Variants in LRRC4C observed in about 807,000 individuals in gnomAD.
LRRC4C encodes leucine-rich repeat-containing protein 4C.
Under a neutral mutation model 33.6 loss-of-function variants are expected in LRRC4C, and 5 were observed. The ratio of observed to expected loss-of-function variants is 0.15; its 90% CI spans 0.08 to 0.31. The LOEUF (loss-of-function observed/expected upper bound fraction) is 0.31. Ranked by LOEUF, LRRC4C falls within the 10% of genes least tolerant of loss-of-function variation. The pLI, the probability that LRRC4C is intolerant of heterozygous loss-of-function variation, is 1.00. For missense variants in LRRC4C, 560 were observed against 796.7 expected (o/e 0.70, Z 3.58); for synonymous variants, 329 against 302.0 (o/e 1.09, Z -0.93).
intron 1 of LRRC4C, among the ~76,000 whole-genome samples, chr11:41,224,646 C>A (rs978184726): frequency 1.3e-5 from 2 of 152,056 alleles, no homozygotes; most frequent in Non-Finnish European, 2.9e-5. Flanking sequence ...AATTTGTATC[C>A]CAGTTGGTTT....
At chr11:40,789,449 TA>T (rs1295030348) in intron 2 of LRRC4C, among the ~76,000 whole-genome samples, 1 of 152,074 alleles carries the variant, frequency 6.6e-6, no homozygotes, top group African/African-American at 2.4e-5. Context: ...ATAATAAAAT[TA>T]AAAAAATTAT....
chr11:41,296,099 A>G (rs1950133684), intron 1 of LRRC4C, among the ~76,000 whole-genome samples: 1 of 152,098 alleles, frequency 6.6e-6, no homozygotes, highest in Non-Finnish European at 1.5e-5. Flanking sequence ...AGTGTGGATC[A>G]ATATTTCCTA....
intron 3 of LRRC4C, among the ~76,000 whole-genome samples, chr11:40,465,791 A>C (rs1952622875): frequency 6.6e-6 from 1 of 151,988 alleles, no homozygotes; most frequent in Admixed American, 6.6e-5. Context: ...GATGTTGGTG[A>C]GGATGCAAAC....
At chr11:40,136,208 A>G (rs1856959607) in intron 6 of LRRC4C, among the ~76,000 whole-genome samples, 1 of 151,108 alleles carries the variant, frequency 6.6e-6, no homozygotes, top group South Asian at 2.1e-4. Context: ...TAAAATATTT[A>G]CCACCTGGTC....
At chr11:40,443,522 C>A (rs1005867497) in intron 3 of LRRC4C, among the ~76,000 whole-genome samples, 2 of 152,132 alleles carry the variant, frequency 1.3e-5, no homozygotes, top group African/African-American at 2.4e-5. Flanking sequence ...CTCTTTCAGT[C>A]AGATTCCACT....
At chr11:40,828,704 G>A (rs1379409567) in intron 2 of LRRC4C, among the ~76,000 whole-genome samples, 1 of 151,632 alleles carries the variant, frequency 6.6e-6, no homozygotes, top group African/African-American at 2.4e-5. Flanking sequence ...GTCTAGCCTA[G>A]ATCAAGCTGT....
chr11:41,314,385 G>A (rs931551185), intron 1 of LRRC4C, among the ~76,000 whole-genome samples: 7 of 152,128 alleles, frequency 4.6e-5, no homozygotes, highest in Non-Finnish European at 1.0e-4. Flanking sequence ...ACCATTAGTT[G>A]ATATTCACTG....
chr11:40,620,721 A>G (rs1019615154), intron 3 of LRRC4C, among the ~76,000 whole-genome samples: 2 of 151,882 alleles, frequency 1.3e-5, no homozygotes, highest in Non-Finnish European at 2.9e-5. Context: ...GTGTATTTAA[A>G]AGACAATGAT....
chr11:40,493,992 A>ATTCAGATAAGGACACAAGCATCTCT (rs1954295507), intron 3 of LRRC4C, among the ~76,000 whole-genome samples: 1 of 152,162 alleles, frequency 6.6e-6, no homozygotes, highest in Non-Finnish European at 1.5e-5. Context: ...TTTCAGAGGT[A>ATTCAGATAAGGACACAAGCATCTCT]GCAGGAAGAT....
intron 3 of LRRC4C, among the ~76,000 whole-genome samples, chr11:40,323,489 G>GT (rs1489376860): frequency 6.6e-6 from 1 of 152,106 alleles, no homozygotes; most frequent in Non-Finnish European, 1.5e-5. Flanking sequence ...CAGACTTCAT[G>GT]TATTTTCATT....
intron 5 of LRRC4C, among the ~76,000 whole-genome samples, chr11:40,144,388 A>G (rs994469443): frequency 6.6e-6 from 1 of 152,194 alleles, no homozygotes; most frequent in Non-Finnish European, 1.5e-5. Context: ...CAAATGGCTA[A>G]ACAACTCATC....
intron 1 of LRRC4C, among the ~76,000 whole-genome samples, chr11:40,943,881 C>T (rs1226830584): frequency 6.6e-6 from 1 of 152,172 alleles, no homozygotes; most frequent in Non-Finnish European, 1.5e-5. Context: ...ACCCATTTAG[C>T]TCTCCCTCTT....
chr11:40,584,461 T>A (rs1326360127), intron 3 of LRRC4C, among the ~76,000 whole-genome samples: 1 of 151,874 alleles, frequency 6.6e-6, no homozygotes, highest in Admixed American at 6.6e-5. Context: ...TCCAACCTAC[T>A]GTGTTAGGAG....
intron 1 of LRRC4C, among the ~76,000 whole-genome samples, chr11:41,101,157 T>C (rs1941151387): frequency 6.6e-6 from 1 of 151,952 alleles, no homozygotes. Context: ...ACAAATAGGA[T>C]CTAATAAAAC....
intron 2 of LRRC4C, among the ~76,000 whole-genome samples, chr11:40,829,914 G>A (rs1007183383): frequency 2.0e-5 from 3 of 151,890 alleles, no homozygotes; most frequent in Non-Finnish European, 4.4e-5. Flanking sequence ...AAGTCCCCCA[G>A]GAATTGCTAT....
intron 3 of LRRC4C, among the ~76,000 whole-genome samples, chr11:40,547,665 A>T (rs886951534): frequency 1.3e-5 from 2 of 152,132 alleles, no homozygotes; most frequent in Non-Finnish European, 2.9e-5. Context: ...ACTCTACCTG[A>T]ATAACACAAT....
chr11:41,102,121 C>A (rs1234785405), intron 1 of LRRC4C, among the ~76,000 whole-genome samples: 2 of 151,672 alleles, frequency 1.3e-5, no homozygotes, highest in Non-Finnish European at 2.9e-5. Flanking sequence ...GTACATGTAC[C>A]CCTGAACCTA....
At chr11:41,055,738 G>T (rs1232372414) in intron 1 of LRRC4C, among the ~76,000 whole-genome samples, 1 of 152,004 alleles carries the variant, frequency 6.6e-6, no homozygotes, top group Non-Finnish European at 1.5e-5. Flanking sequence ...TTCTTTACAA[G>T]AATAAAATAT....
At chr11:40,816,363 A>G (rs531370753) in intron 2 of LRRC4C, among the ~76,000 whole-genome samples, 4 of 152,202 alleles carry the variant, frequency 2.6e-5, no homozygotes, top group Non-Finnish European at 5.9e-5. Flanking sequence ...GGTACCCATG[A>G]GTAAATGTGA....
Sources: allele counts gnomAD v4.1 joint callset (sites outside exome capture counted in the v4.1 genomes callset), GRCh38; gene constraint gnomAD v4.1.1; transcripts MANE v1.5; gene names NCBI Gene and HGNC (gene_info 2026-07-23, HGNC 2026-07-21).